The following SGO2 variants were observed in gnomAD, a reference collection of about 807,000 sequenced individuals.
SGO2 encodes shugoshin-like 2.
Under a neutral mutation model 99.5 loss-of-function variants are expected in SGO2, and 68 were observed. The ratio of observed to expected loss-of-function variants is 0.68; its 90% CI spans 0.56 to 0.84. The LOEUF (loss-of-function observed/expected upper bound fraction) is 0.84. Among genes scored for constraint, SGO2 ranks in the 40% least tolerant of loss-of-function variants. SGO2 has a pLI of 0.00. For missense variants in SGO2, 1,350 were observed against 1,436.7 expected, an observed-to-expected ratio of 0.94 and a Z score of 0.97; for synonymous variants, 457 against 487.1, an observed-to-expected ratio of 0.94 and a Z score of 0.81.
At chr2:200,560,217 A>AG (rs2032886166) in intron 5 of SGO2, among the ~76,000 whole-genome samples, 1 of 152,178 alleles carries the variant, frequency 6.6e-6, no homozygotes, top group Non-Finnish European at 1.5e-5. Flanking sequence ...AGCTGTTATT[A>AG]GGTACTCATA....
chr2:200,571,625 GA>G lies in SGO2; in HGVS notation c.1283del (p.Lys428ArgfsTer33). ...AAATAGTTCAGATGTCGATATTGGG[GA>G]AAAGATTGAAAACAGGACAGAAAGA... Reference protein sequence around the residue: ...FKNSSDVDIGEKIENRTERSD... With the variant: ...FKNSSDVDIGXKIENRTERSD... On this transcript the variant is annotated frameshift_variant, in exon 7 of 9. Coordinates refer to ENST00000357799, the MANE Select transcript of SGO2 (RefSeq NM_152524.6). LOFTEE classifies it high-confidence loss of function. The G allele has an allele frequency of 6.2e-7, 1 of 1,612,870 alleles. No homozygotes were observed. Among genetic ancestry groups the G allele is most frequent in the African/African-American group, 1.3e-5 (1 of 74,952 alleles).
chr2:200,532,541 A>G (rs892236866), intron 1 of SGO2, among the ~76,000 whole-genome samples: 1 of 152,104 alleles, frequency 6.6e-6, no homozygotes, highest in Admixed American at 6.5e-5. Context: ...TAAATCTAAT[A>G]GACAAATTTA....
chr2:200,540,003 CATTTA>C (rs2031885010), intron 4 of SGO2, among the ~76,000 whole-genome samples: 1 of 151,532 alleles, frequency 6.6e-6, no homozygotes, highest in South Asian at 2.1e-4. Context: ...CTGTTGAGCC[CATTTA>C]ATTTATTTTA....
chr2:200,578,879 A>G (rs2033749373), intron 8 of SGO2, among the ~76,000 whole-genome samples: 1 of 152,068 alleles, frequency 6.6e-6, no homozygotes, highest in Non-Finnish European at 1.5e-5. Context: ...TTACAAATGA[A>G]TCTTAGGATG....
chr2:200,577,641 TC>T (rs2106351833), intron 8 of SGO2, among the ~76,000 whole-genome samples: 1 of 152,228 alleles, frequency 6.6e-6, no homozygotes, highest in African/African-American at 2.4e-5. Context: ...AGTTGTTGTT[TC>T]TCCTAAGCAT....
intron 5 of SGO2, among the ~76,000 whole-genome samples, chr2:200,546,474 C>T (rs921156092): frequency 6.0e-5 from 9 of 149,220 alleles, no homozygotes; most frequent in Admixed American, 2.7e-4. Context: ...CATAGACTTA[C>T]ACTCACTAGA....
intron 5 of SGO2, among the ~76,000 whole-genome samples, chr2:200,561,187 C>T (rs761986353): frequency 4.6e-5 from 7 of 152,166 alleles, no homozygotes; most frequent in Admixed American, 3.9e-4. Context: ...AACGCTATCC[C>T]TCCCCTCTGC....
intron 5 of SGO2, 33 bp downstream of exon 5, chr2:200,542,697 G>A: frequency 1.9e-6 from 3 of 1,543,752 alleles, no homozygotes; most frequent in Non-Finnish European, 2.7e-6. Context: ...CTAGTTCAGA[G>A]TATATAGATT....
At chr2:200,542,741 A>G (rs1157957453) in intron 5 of SGO2, 77 bp downstream of exon 5, 1 of 1,293,800 alleles carries the variant, frequency 7.7e-7, no homozygotes, top group African/African-American at 1.5e-5. Flanking sequence ...TGTGTATTGT[A>G]CAGTGTTCAG....
At chr2:200,558,836 C>T (rs1422567792) in intron 5 of SGO2, among the ~76,000 whole-genome samples, 10 of 148,862 alleles carry the variant, frequency 6.7e-5, no homozygotes, top group African/African-American at 2.2e-4. Context: ...GAGTTTCACT[C>T]CTGCAACCCA....
At chr2:200,580,437 T>G (rs1193407329) in intron 8 of SGO2, 1 of 421,874 alleles carries the variant, frequency 2.4e-6, no homozygotes, top group African/African-American at 2.2e-5. Context: ...GACTTCTGCT[T>G]CATATTTATT....
chr2:200,573,286 C>A lies in SGO2; in HGVS notation c.2940C>A (p.Tyr980Ter). ...KESCDQILDSYKVVKKRKKES... is the reference protein window; with the variant it reads ...KESCDQILDS ...GTTGTGATCAAATTTTAGATTCCTA[C>A]AAAGTAGTTAAAAAACGTAAGAAAG... The change falls in exon 7 of 9, where the codon TAC (tyrosine) becomes TAA (stop). Residue 980 changes from tyrosine to a stop codon, truncating the protein, a stop_gained. Transcript: ENST00000357799. LOFTEE classifies it high-confidence loss of function. 10 of 1,606,292 alleles carry A rather than the reference C, an allele frequency of 6.2e-6. No homozygotes were observed. The highest frequency in any genetic ancestry group is 8.5e-6 in the Non-Finnish European group (10 of 1,177,790).
chr2:200,571,991 C>T lies in SGO2; in HGVS notation c.1645C>T (p.Leu549Phe). ...TCACAAATTAGAAAAAGATAACTTA[C>T]TCCCAAACCAAAAGGATAAAGTAAC... ...VIHKLEKDNL[L>F]PNQKDKVTIY... The change falls in exon 7 of 9, where the codon CTC (leucine) becomes TTC (phenylalanine). Residue 549 changes from leucine (L) to phenylalanine (F), a missense_variant. Leu to Phe is a conservative substitution (Grantham distance 22, BLOSUM62 0). Coordinates refer to ENST00000357799, the MANE Select transcript of SGO2 (RefSeq NM_152524.6). 1 of 1,610,690 alleles carries T rather than the reference C, an allele frequency of 6.2e-7. No homozygotes were observed. The highest frequency in any genetic ancestry group is 8.5e-7 in the Non-Finnish European group (1 of 1,178,988).
intron 8 of SGO2, among the ~76,000 whole-genome samples, chr2:200,580,166 A>G (rs546475929): frequency 1.3e-4 from 20 of 152,240 alleles, no homozygotes; most frequent in African/African-American, 4.3e-4. Context: ...TTGTATTTCC[A>G]CAGGAAATTA....
intron 5 of SGO2, among the ~76,000 whole-genome samples, chr2:200,567,289 T>C (rs1275675561): frequency 1.3e-5 from 2 of 152,220 alleles, no homozygotes; most frequent in African/African-American, 4.8e-5. Context: ...GTATGTTTAA[T>C]CAAACTAGCT....
chr2:200,567,444 GAT>G (rs1278875254), intron 5 of SGO2, among the ~76,000 whole-genome samples: 2 of 152,020 alleles, frequency 1.3e-5, no homozygotes, highest in Non-Finnish European at 2.9e-5. Flanking sequence ...AAAACATAGA[GAT>G]ATATAATTCA....
At chr2:200,532,032 A>G (rs1215616451) in intron 1 of SGO2, 6 of 152,266 alleles carry the variant, frequency 3.9e-5, no homozygotes, top group Admixed American at 6.5e-5. Context: ...AAAGGGATCT[A>G]ATAACTTTGG....
At chr2:200,554,871 G>A (rs2032640825) in intron 5 of SGO2, among the ~76,000 whole-genome samples, 1 of 152,160 alleles carries the variant, frequency 6.6e-6, no homozygotes, top group Non-Finnish European at 1.5e-5. Context: ...TTGACCTTAA[G>A]GTAAGATTCT....
intron 1 of SGO2, among the ~76,000 whole-genome samples, chr2:200,529,448 A>G (rs1276697427): frequency 6.6e-6 from 1 of 152,204 alleles, no homozygotes; most frequent in East Asian, 1.9e-4. Flanking sequence ...CAATAAATAA[A>G]TCTATAGTAT....
Sources: gnomAD v4.1 joint callset for allele counts (sites outside exome capture counted in the v4.1 genomes callset) on GRCh38, gnomAD v4.1.1 for gene constraint, MANE v1.5 for transcripts, NCBI Gene and HGNC (gene_info 2026-07-23, HGNC 2026-07-21) for gene names.